Variants in UBE2O observed in about 807,000 individuals in gnomAD.
The protein encoded by UBE2O is ubiquitin conjugating enzyme E2 O.
Under a neutral mutation model 125.8 loss-of-function variants are expected in UBE2O, and 15 were observed. The observed-to-expected ratio is 0.12, with a 90% CI of 0.08 to 0.18. The LOEUF (loss-of-function observed/expected upper bound fraction) is 0.18, where lower values mean the gene tolerates loss of function less well. Among genes scored for constraint, UBE2O ranks in the 10% least tolerant of loss-of-function variants. UBE2O has a pLI of 1.00. For missense variants in UBE2O, 1,280 were observed against 1,723.6 expected (o/e 0.74, Z 4.56); for synonymous variants, 708 against 703.2 (o/e 1.01, Z -0.11).
At position 76,389,508 on chromosome 17, in the gene UBE2O, C is replaced by CAAAAAAAAAAAAAAAAA; in HGVS notation, c.*1434_*1435insTTTTTTTTTTTTTTTTT. 2.5e-5 allele frequency: 1 copy of CAAAAAAAAAAAAAAAAA among 40,658 alleles called. No homozygotes were observed. The highest frequency in any genetic ancestry group is 4.6e-5 in the Non-Finnish European group (1 of 21,586). The allele number at this position is 40,658 out of a possible 1,614,324, so 2.5% of individuals were successfully genotyped here. A position where few individuals can be genotyped will look rare whatever the true frequency, so the allele number is the denominator to read the frequency against. On this transcript the variant is annotated 3_prime_UTR_variant, in exon 18 of 18. Coordinates refer to ENST00000319380, the MANE Select transcript of UBE2O (RefSeq NM_022066.4). ...TCACCTTGTCTTGCTAATGAGCCAA[C>CAAAAAAAAAAAAAAAAA]ACAAAAAAAAAAAAAAAAAAAAATG...
chr17:76,390,021 G>T lies in UBE2O; in HGVS notation c.*922C>A, dbSNP rs547702952. 1 of 152,652 alleles carries T rather than the reference G, an allele frequency of 6.6e-6. No homozygotes were observed. The highest frequency in any genetic ancestry group is 2.4e-5 in the African/African-American group (1 of 41,570). The allele number at this position is 152,652 out of a possible 1,614,324, so 9.5% of individuals were successfully genotyped here. On this transcript the variant is annotated 3_prime_UTR_variant, in exon 18 of 18. Transcript: ENST00000319380. Reference sequence around the variant, plus strand: ...CCCCGCCGGCCGTCCCCTTCGGATTGAGCCTGCAGTTTGTAAGCGAAGGGC... The same window carrying T: ...CCCCGCCGGCCGTCCCCTTCGGATTTAGCCTGCAGTTTGTAAGCGAAGGGC...
At chr17:76,426,982 G>A (rs1440833914) in intron 1 of UBE2O, among the ~76,000 whole-genome samples, 1 of 151,782 alleles carries the variant, frequency 6.6e-6, no homozygotes, top group Non-Finnish European at 1.5e-5. Flanking sequence ...GCTGGTTGCT[G>A]AAAACTAAGC....
chr17:76,417,241 C>A (rs2072631773), intron 1 of UBE2O, among the ~76,000 whole-genome samples: 1 of 152,246 alleles, frequency 6.6e-6, no homozygotes, highest in Non-Finnish European at 1.5e-5. Flanking sequence ...GTGGGCACCC[C>A]CATTGACCAT....
Position 76,399,337 on chromosome 17 carries a change from T to TCAAAA in UBE2O, c.1628+111_1628+112insTTTTG. The TCAAAA allele has an allele frequency of 8.9e-7, 1 of 1,127,286 alleles. No individual in the cohort carries two copies. The highest frequency in any genetic ancestry group is 1.3e-6 in the Non-Finnish European group (1 of 785,278). 69.8% of individuals were successfully genotyped at this position (1,127,286 alleles called of 1,614,324 possible). ...TCTCGGGTGGGAGCCCCGGAGCCAC[T>TCAAAA]ACAAGGCATGCAGAGGTGTGTGTGC... is the stretch of plus-strand genomic sequence containing the variant. On this transcript the variant is annotated intron_variant, in intron 9 of 17. Transcript: ENST00000319380. The surrounding 1 kb of genome is among the most constrained non-coding windows in gnomAD (Gnocchi z 6.9).
chr17:76,436,177 G>A (rs868773303), intron 1 of UBE2O, among the ~76,000 whole-genome samples: 12 of 152,104 alleles, frequency 7.9e-5, no homozygotes, highest in Non-Finnish European at 4.4e-5. Context: ...AACCCGGGAG[G>A]CGGAGGTTAC....
Position 76,390,742 on chromosome 17 carries a change from T to C in UBE2O, c.*201A>G, listed in dbSNP as rs1211407000. 2.0e-6 allele frequency: 1 copy of C among 500,000 alleles called. No individual in the cohort carries two copies. Among genetic ancestry groups the C allele is most frequent in the African/African-American group, 2.0e-5 (1 of 50,698 alleles). The allele number at this position is 500,000 out of a possible 1,614,324, so 31.0% of individuals were successfully genotyped here. A position where few individuals can be genotyped will look rare whatever the true frequency, so the allele number is the denominator to read the frequency against. Reference sequence around the variant, plus strand: ...TTCTTTGCCACAGGGGACCCGCCTGTTGAAAGCTCGCTTCAAAATAGAAAC... The same window carrying C: ...TTCTTTGCCACAGGGGACCCGCCTGCTGAAAGCTCGCTTCAAAATAGAAAC... On this transcript the variant is annotated 3_prime_UTR_variant, in exon 18 of 18. Coordinates refer to ENST00000319380, the MANE Select transcript of UBE2O (RefSeq NM_022066.4).
intron 1 of UBE2O, among the ~76,000 whole-genome samples, chr17:76,416,013 A>G (rs2072602881): frequency 1.3e-5 from 2 of 150,874 alleles, no homozygotes; most frequent in Admixed American, 1.3e-4. Context: ...GTATGTGTAT[A>G]CATATGTACA....
At chr17:76,409,107 T>G (rs2072473540) in intron 1 of UBE2O, among the ~76,000 whole-genome samples, 1 of 151,188 alleles carries the variant, frequency 6.6e-6, no homozygotes, top group Non-Finnish European at 1.5e-5. Flanking sequence ...TAGCTGGGAC[T>G]ACAGGCGCCC....
Position 76,391,058 on chromosome 17 carries a change from C to G in UBE2O, c.3764G>C (p.Gly1255Ala), listed in dbSNP as rs768501495. ...CTTGGAAAGTGGGAAGAGGGGGAAG[C>G]CGATGTCAGGGTAGCCACTCTTCTC... The part of the protein sequence containing the change: ...LPEKSGYPDI[G>A]FPLFPLSKGF... The change falls in exon 18 of 18, where the codon GGC (glycine) becomes GCC (alanine). Residue 1255 changes from glycine to alanine, a missense_variant. Around this residue, in one of 10 missense-constraint regions of UBE2O, gnomAD observed 233 missense variants for 279.0 expected, o/e 0.84. Coordinates refer to ENST00000319380, the MANE Select transcript of UBE2O (RefSeq NM_022066.4). This position sits in a 1 kb window ranked among gnomAD's most constrained non-coding sequence, Gnocchi z 8.4. 1 of 1,614,058 alleles carries G rather than the reference C, an allele frequency of 6.2e-7. No homozygotes were observed. The highest frequency in any genetic ancestry group is 1.7e-5 in the Admixed American group (1 of 60,020).
At chr17:76,431,663 C>A (rs2072910139) in intron 1 of UBE2O, among the ~76,000 whole-genome samples, 1 of 144,574 alleles carries the variant, frequency 6.9e-6, no homozygotes, top group Non-Finnish European at 1.5e-5. Flanking sequence ...ACTATTAGGG[C>A]CAGACACTGT....
In UBE2O at chr17:76,399,510, A is replaced by G. The variant is rs1213656291; in HGVS notation, c.1567T>C (p.Leu523=). 1 of 1,614,092 alleles carries G rather than the reference A, an allele frequency of 6.2e-7. No individual in the cohort carries two copies. Among genetic ancestry groups the G allele is most frequent in the Admixed American group, 1.7e-5 (1 of 60,026 alleles). The change falls in exon 9 of 18, where the codon TTA becomes CTA. Residue 523 remains leucine, a synonymous_variant. Transcript: ENST00000319380. The surrounding 1 kb of genome is among the most constrained non-coding windows in gnomAD (Gnocchi z 6.9). ...KKSIPLSIKN[L]KRKHKRKKNK... ...TTCTTCCTCTTGTGTTTGCGCTTTA[A>G]GTTCTTGATGGACAAGGGGATGCTC...
rs558957455 is a variant in UBE2O at position 76,432,232 on chromosome 17, T to C, written c.417+20493A>G. ...TCTCATGCACATTTCGGCACAACCA[T>C]GTCTTAGACCCGTCAAACTGCTACG... On this transcript the variant is annotated intron_variant, in intron 1 of 17. Transcript: ENST00000319380. Among the ~76,000 whole-genome samples the C allele has an allele frequency of 8.5e-5, 13 of 152,274 alleles. No individual in the cohort carries two copies. The East Asian group carries it at 1.7e-3, about 20-fold the overall frequency.
At chr17:76,406,882 T>C (rs1461332351) in intron 1 of UBE2O, among the ~76,000 whole-genome samples, 1 of 151,868 alleles carries the variant, frequency 6.6e-6, no homozygotes, top group Non-Finnish European at 1.5e-5. Flanking sequence ...GTATTTTTAG[T>C]AGAGATGGGG....
intron 1 of UBE2O, among the ~76,000 whole-genome samples, chr17:76,419,787 T>C (rs1455113682): frequency 6.6e-6 from 1 of 152,224 alleles, no homozygotes; most frequent in Non-Finnish European, 1.5e-5. Context: ...GGCCATGCTG[T>C]GGCCCTGAGA....
intron 5 of UBE2O, 165 bp downstream of exon 5, chr17:76,401,899 C>T: frequency 6.0e-6 from 2 of 333,168 alleles, no homozygotes; most frequent in South Asian, 4.9e-5. Flanking sequence ...AAAAAAAGTT[C>T]TAATACTTTC....
At position 76,399,818 on chromosome 17, in the gene UBE2O, TC is replaced by T. The variant is rs1296272976; in HGVS notation, c.1258del (p.Glu420AsnfsTer46). ...CTCCGCTTCGCTCTTGGTTTTGGATTCCCCCTTCTTGTCTGGGTCTTCCATG... is the reference window on the plus strand; with the variant it reads ...CTCCGCTTCGCTCTTGGTTTTGGATTCCCCTTCTTGTCTGGGTCTTCCATG... Reference protein sequence around the residue: ...HSMEDPDKKGESKTKSEAESA... With the variant: ...HSMEDPDKKGXSKTKSEAESA... On this transcript the variant is annotated frameshift_variant, in exon 9 of 18. Transcript: ENST00000319380. LOFTEE classifies it high-confidence loss of function. This position sits in a 1 kb window ranked among gnomAD's most constrained non-coding sequence, Gnocchi z 6.9. The T allele has an allele frequency of 6.2e-7, 1 of 1,614,134 alleles. No individual in the cohort carries two copies. The highest frequency in any genetic ancestry group is 1.7e-5 in the Admixed American group (1 of 60,018).
intron 1 of UBE2O, among the ~76,000 whole-genome samples, chr17:76,447,151 C>T (rs1295181884): frequency 6.6e-6 from 1 of 152,230 alleles, no homozygotes; most frequent in Non-Finnish European, 1.5e-5. Flanking sequence ...ATGATTAATG[C>T]CAACCACAAG....
intron 1 of UBE2O, among the ~76,000 whole-genome samples, chr17:76,439,266 TTTG>T (rs1462816535): frequency 1.3e-5 from 2 of 152,136 alleles, no homozygotes; most frequent in Non-Finnish European, 2.9e-5. Context: ...CCAACAAACC[TTTG>T]TTGTTATCGT....
intron 1 of UBE2O, among the ~76,000 whole-genome samples, chr17:76,447,770 C>A (rs575525145): frequency 6.6e-6 from 1 of 152,300 alleles, no homozygotes; most frequent in South Asian, 2.1e-4. Context: ...AACCACCTTC[C>A]CCACAACCCG....
Sources: allele counts gnomAD v4.1 joint callset (sites outside exome capture counted in the v4.1 genomes callset), GRCh38; gene constraint gnomAD v4.1.1; regional missense constraint gnomAD v4.1.1; non-coding constraint Gnocchi (gnomAD v3.1); transcripts MANE v1.5; gene names NCBI Gene and HGNC (gene_info 2026-07-23, HGNC 2026-07-21).